The following TRIP4 variants were observed in gnomAD, a reference collection of about 807,000 sequenced individuals.
TRIP4 encodes thyroid hormone receptor interactor 4.
In TRIP4, 54 loss-of-function variants were observed where a neutral mutation model predicts 81.8. That is an observed-to-expected ratio of 0.66 (90% confidence interval 0.53 to 0.83). TRIP4 has a LOEUF of 0.83. TRIP4 is among the 40% of genes least tolerant of loss of function. The probability of loss-of-function intolerance (pLI) is 0.00; values close to 1 mark genes in which losing one functional copy is unlikely to be tolerated. For missense variants in TRIP4, 662 were observed against 683.6 expected (o/e 0.97, Z 0.35); for synonymous variants, 270 against 242.8 (o/e 1.11, Z -1.04).
intron 3 of TRIP4, among the ~76,000 whole-genome samples, chr15:64,397,338 A>G (rs112644497): frequency 2.8e-3 from 427 of 152,370 alleles, no homozygotes; most frequent in Non-Finnish European, 5.2e-3. Context: ...AACAGATTTA[A>G]CTGCTACATT....
At position 64,454,494 on chromosome 15, in the gene TRIP4, A is replaced by G. The variant is rs144915490; in HGVS notation, c.1679-503A>G. 1.8e-4 allele frequency among the ~76,000 whole-genome samples: 28 copies of G among 152,264 alleles called. No individual in the cohort carries two copies. In the East Asian group the frequency reaches 5.4e-3, roughly 29 times the overall value. On this transcript the variant is annotated intron_variant, in intron 12 of 12. Transcript: ENST00000261884. ...TAGCTGGTGATAGGGGCCCTTTGTC[A>G]GTAAAGCATTCATGTGGATTCTATT...
intron 9 of TRIP4, among the ~76,000 whole-genome samples, chr15:64,420,597 C>G (rs1891991116): frequency 6.6e-6 from 1 of 150,482 alleles, no homozygotes; most frequent in Non-Finnish European, 1.5e-5. Flanking sequence ...GATCTCAGCT[C>G]ACTGCAAGCT....
chr15:64,396,306 T>C (rs1900293498), intron 3 of TRIP4, among the ~76,000 whole-genome samples: 1 of 144,478 alleles, frequency 6.9e-6, no homozygotes, highest in African/African-American at 2.6e-5. Flanking sequence ...AGACGGAGTC[T>C]TGCTCTGTCA....
At chr15:64,432,836 G>T (rs927627797) in intron 11 of TRIP4, among the ~76,000 whole-genome samples, 8 of 151,682 alleles carry the variant, frequency 5.3e-5, no homozygotes, top group African/African-American at 1.7e-4. Flanking sequence ...TCTTGAACCC[G>T]GGAGGTGGAG....
intron 11 of TRIP4, among the ~76,000 whole-genome samples, chr15:64,437,454 T>C (rs951924707): frequency 2.6e-5 from 4 of 151,600 alleles, no homozygotes; most frequent in African/African-American, 9.7e-5. Flanking sequence ...ATGAAAGGAT[T>C]TGAACTGTGT....
rs148714123 is a variant in TRIP4, at chr15:64,419,965, G to A, written c.1358+1237G>A. ...CGAGTAGCTGGGATCACAGGCGCCC[G>A]CCACCACACCTGGTTAATTTTTGTA... On this transcript the variant is annotated intron_variant, in intron 9 of 12. Coordinates refer to ENST00000261884, the MANE Select transcript of TRIP4 (RefSeq NM_016213.5). 6.1e-3 allele frequency among the ~76,000 whole-genome samples: 923 copies of A among 151,506 alleles called. 8 individuals are homozygous for A. The highest frequency in any genetic ancestry group is 0.021 in the African/African-American group (864 of 41,274).
intron 8 of TRIP4, among the ~76,000 whole-genome samples, chr15:64,418,335 C>T (rs1891931519): frequency 6.6e-6 from 1 of 152,202 alleles, no homozygotes; most frequent in East Asian, 1.9e-4. Flanking sequence ...TGGCCTAGAA[C>T]TCCTGACCTC....
At chr15:64,418,396 G>A in intron 8 of TRIP4, 145 bp from the exon 9 acceptor site, 1 of 916,342 alleles carries the variant, frequency 1.1e-6, no homozygotes, top group Non-Finnish European at 1.6e-6. Context: ...ACAGGCGTGA[G>A]CCACGATGCC....
intron 7 of TRIP4, among the ~76,000 whole-genome samples, chr15:64,412,803 T>C (rs1405790463): frequency 6.6e-6 from 1 of 152,180 alleles, no homozygotes; most frequent in Non-Finnish European, 1.5e-5. Context: ...AGCTATAGAA[T>C]GAATTAAGAT....
At chr15:64,432,073 G>A (rs11630429) in intron 11 of TRIP4, among the ~76,000 whole-genome samples, 1 of 150,426 alleles carries the variant, frequency 6.6e-6, no homozygotes. Context: ...TTTTAGTAGA[G>A]ACAGGGTTTC....
intron 11 of TRIP4, among the ~76,000 whole-genome samples, chr15:64,443,099 A>AT (rs1892554703): frequency 1.3e-5 from 2 of 152,186 alleles, no homozygotes; most frequent in African/African-American, 4.8e-5. Context: ...TGAGAGTGAA[A>AT]GCCTACTTAT....
At chr15:64,435,139 C>T (rs527400793) in intron 11 of TRIP4, among the ~76,000 whole-genome samples, 51 of 130,248 alleles carry the variant, frequency 3.9e-4, no homozygotes, top group Non-Finnish European at 4.8e-4. Flanking sequence ...TCCCTTGAGC[C>T]GGGGAGGCAA....
At chr15:64,413,256 G>A (rs1237871681) in intron 7 of TRIP4, among the ~76,000 whole-genome samples, 1 of 152,082 alleles carries the variant, frequency 6.6e-6, no homozygotes. Flanking sequence ...CTGGAGGGCA[G>A]TGGCGCCTTG....
Position 64,416,232 on chromosome 15 carries a change from A to T in TRIP4, c.1170+2021A>T, listed in dbSNP as rs187407804. 1.8e-4 allele frequency among the ~76,000 whole-genome samples: 28 copies of T among 151,372 alleles called. 1 individual carries two copies. Among genetic ancestry groups the T allele is most frequent in the Admixed American group, 1.6e-3 (25 of 15,170 alleles). ...GATGACACAGTGAGACCCCATCTCTAAAAAAAAATAATTATCATCATAAAG... is the reference window on the plus strand; with the variant it reads ...GATGACACAGTGAGACCCCATCTCTTAAAAAAAATAATTATCATCATAAAG... On this transcript the variant is annotated intron_variant, in intron 8 of 12. Coordinates refer to ENST00000261884, the MANE Select transcript of TRIP4 (RefSeq NM_016213.5).
At chr15:64,449,611 C>T (rs1892708889) in intron 12 of TRIP4, among the ~76,000 whole-genome samples, 2 of 151,792 alleles carry the variant, frequency 1.3e-5, no homozygotes, top group Admixed American at 1.3e-4. Flanking sequence ...GTATAAATGC[C>T]TTAAATTAAA....
At chr15:64,402,523 A>ATT (rs570424030) in intron 5 of TRIP4, among the ~76,000 whole-genome samples, 1 of 114,070 alleles carries the variant, frequency 8.8e-6, no homozygotes. Flanking sequence ...CCCGGCCAAC[A>ATT]TTTTTTTTTT....
chr15:64,389,789 C>G (rs1900065659), intron 1 of TRIP4, among the ~76,000 whole-genome samples: 1 of 148,642 alleles, frequency 6.7e-6, no homozygotes, highest in African/African-American at 2.5e-5. Flanking sequence ...GCTGCAACCT[C>G]CGCCTCCCAC....
chr15:64,414,357 C>T, intron 8 of TRIP4, 146 bp downstream of exon 8: 1 of 1,091,298 alleles, frequency 9.2e-7, no homozygotes, highest in South Asian at 1.9e-5. Context: ...CACCTGCCAA[C>T]CTTATTCTCT....
chr15:64,451,690 G>A (rs1257433168), intron 12 of TRIP4, among the ~76,000 whole-genome samples: 1 of 145,466 alleles, frequency 6.9e-6, no homozygotes, highest in Non-Finnish European at 1.5e-5. Context: ...TTTTACTCTT[G>A]TTGCCCAGGC....
Sources: gnomAD v4.1 joint callset for allele counts (sites outside exome capture counted in the v4.1 genomes callset) on GRCh38, gnomAD v4.1.1 for gene constraint, MANE v1.5 for transcripts, NCBI Gene and HGNC (gene_info 2026-07-23, HGNC 2026-07-21) for gene names.